The following UST variants were observed in gnomAD, a reference collection of about 807,000 sequenced individuals.
UST encodes the protein chondroitin sulfate 2-O-sulfotransferase.
UST carries 21 observed loss-of-function variants against 45.6 expected under a neutral mutation model. The observed-to-expected ratio is 0.46, with a 90% CI of 0.33 to 0.66. UST has a LOEUF of 0.66. UST is among the 30% of genes least tolerant of loss of function. The probability of loss-of-function intolerance (pLI) is 0.02; values close to 1 mark genes in which losing one functional copy is unlikely to be tolerated. For missense variants in UST, 463 were observed against 512.4 expected, an observed-to-expected ratio of 0.90 and a Z score of 0.93; for synonymous variants, 215 against 200.6, an observed-to-expected ratio of 1.07 and a Z score of -0.61.
At chr6:148,974,619 G>A (rs773003368) in intron 5 of UST, among the ~76,000 whole-genome samples, 1 of 152,146 alleles carries the variant, frequency 6.6e-6, no homozygotes, top group African/African-American at 2.4e-5. Context: ...AGAACAAACC[G>A]CTTTTTCTCT....
intron 1 of UST, among the ~76,000 whole-genome samples, chr6:148,752,770 G>A (rs1175294696): frequency 6.6e-6 from 1 of 152,186 alleles, no homozygotes; most frequent in African/African-American, 2.4e-5. Flanking sequence ...GAGACTGAAG[G>A]AGCAAAAACA....
chr6:148,975,937 G>T (rs868732448), intron 5 of UST, among the ~76,000 whole-genome samples: 1 of 152,174 alleles, frequency 6.6e-6, no homozygotes, highest in African/African-American at 2.4e-5. Context: ...TTTTAGATTT[G>T]TCTTTAGATA....
At chr6:148,883,748 A>C (rs1478383988) in intron 1 of UST, among the ~76,000 whole-genome samples, 1 of 152,196 alleles carries the variant, frequency 6.6e-6, no homozygotes, top group Non-Finnish European at 1.5e-5. Flanking sequence ...TTATAAGGGG[A>C]TAAATTATGA....
At position 148,866,139 on chromosome 6, in the gene UST, A is replaced by AATATTTAGTGATAACTAAAT. The variant is rs1227917197; in HGVS notation, c.248-20825_248-20806dup. Among the ~76,000 whole-genome samples the AATATTTAGTGATAACTAAAT allele has an allele frequency of 1.8e-3, 258 of 141,382 alleles. 4 individuals are homozygous for AATATTTAGTGATAACTAAAT. The highest frequency in any genetic ancestry group is 5.7e-3 in the African/African-American group (214 of 37,612). The allele number at this position is 141,382 out of a possible 152,430, so 92.8% of individuals were successfully genotyped here. On this transcript the variant is annotated intron_variant, in intron 1 of 7. Coordinates refer to ENST00000367463, the MANE Select transcript of UST (RefSeq NM_005715.3). ...TGACAATATTGATTATTTTATAATC[A>AATATTTAGTGATAACTAAAT]ATATTTAGTGATAACTAAATATATT...
In UST at chr6:148,747,456, G is replaced by A; in HGVS notation, c.26G>A (p.Gly9Asp). The A allele has an allele frequency of 2.1e-6, 3 of 1,428,934 alleles. No individual in the cohort carries two copies. The highest frequency in any genetic ancestry group is 2.8e-6 in the Non-Finnish European group (3 of 1,089,198). 88.5% of individuals were successfully genotyped at this position (1,428,934 alleles called of 1,614,324 possible). Residue 9 changes from glycine (G) to aspartate (D), a missense_variant, in exon 1 of 8, where the codon GGC (glycine) becomes GAC (aspartate). By Grantham distance (94) the Gly-to-Asp change is moderately conservative. Around this residue, in one of 2 missense-constraint regions of UST, gnomAD observed 176 missense variants for 138.3 expected, o/e 1.27. Transcript: ENST00000367463. The stretch of plus-strand genomic sequence containing the variant: ...ATGAAGAAGAAGCAGCAGCATCCCG[G>A]CGGCGGCGCGGATCCCTGGCCCCAT... MKKKQQHP[G>D]GGADPWPHGA...
chr6:148,757,923 T>A (rs1435300472), intron 1 of UST, among the ~76,000 whole-genome samples: 3 of 152,234 alleles, frequency 2.0e-5, no homozygotes, highest in Non-Finnish European at 4.4e-5. Flanking sequence ...ACAGCTTGAA[T>A]AATTTTATTA....
rs34342100 is a variant in UST, at chr6:148,748,399, T to TTGTG, written c.247+773_247+776dup. 0.026 allele frequency among the ~76,000 whole-genome samples: 3,331 copies of TTGTG among 127,496 alleles called. 43 individuals are homozygous for TTGTG. The highest frequency in any genetic ancestry group is 0.028 in the East Asian group (111 of 3,948). 83.6% of individuals were successfully genotyped at this position (127,496 alleles called of 152,430 possible). A position where few individuals can be genotyped will look rare whatever the true frequency, so the allele number is the denominator to read the frequency against. ...GTGCGTCTCAAGCTCAAGTCAAAAC[T>TTGTG]TGTGTGTGTGTGTGTGTGTGTGTGT... On this transcript the variant is annotated intron_variant, in intron 1 of 7. Transcript: ENST00000367463. The surrounding 1 kb of genome is among the most constrained non-coding windows in gnomAD (Gnocchi z 5.3).
chr6:148,975,007 A>G (rs1465002580), intron 5 of UST, among the ~76,000 whole-genome samples: 1 of 152,222 alleles, frequency 6.6e-6, no homozygotes, highest in Admixed American at 6.5e-5. Context: ...TGTATAAGAC[A>G]AAGTTATCAA....
chr6:148,851,747 C>T (rs1778111149), intron 1 of UST, among the ~76,000 whole-genome samples: 1 of 152,168 alleles, frequency 6.6e-6, no homozygotes, highest in African/African-American at 2.4e-5. Flanking sequence ...CATCTGGGTT[C>T]GTGCAATTTT....
chr6:148,909,533 A>G (rs1779435081), intron 2 of UST, among the ~76,000 whole-genome samples: 2 of 152,218 alleles, frequency 1.3e-5, no homozygotes, highest in Admixed American at 6.5e-5. Flanking sequence ...CAGGCACCCA[A>G]AGGTGCTTTG....
At chr6:148,894,826 T>TTTTTC (rs1554224142) in intron 2 of UST, among the ~76,000 whole-genome samples, 5 of 138,392 alleles carry the variant, frequency 3.6e-5, no homozygotes, top group African/African-American at 1.1e-4. Context: ...TTTTTTTTTT[T>TTTTTC]TTTTTTTTTT....
intron 1 of UST, among the ~76,000 whole-genome samples, chr6:148,850,259 C>T (rs140652696): frequency 0.021 from 3,163 of 152,280 alleles, 102 homozygotes; most frequent in African/African-American, 0.062. Context: ...TAGCAGCCCA[C>T]GGTGGAGCCA....
At chr6:148,881,338 C>T (rs910837672) in intron 1 of UST, among the ~76,000 whole-genome samples, 10 of 152,102 alleles carry the variant, frequency 6.6e-5, no homozygotes, top group African/African-American at 9.7e-5. Context: ...AAGTTTTTCC[C>T]GCTTGACAAG....
chr6:149,010,946 C>T (rs1373277451), intron 5 of UST, among the ~76,000 whole-genome samples: 2 of 129,010 alleles, frequency 1.6e-5, no homozygotes, highest in Non-Finnish European at 3.2e-5. Flanking sequence ...GTCTTTAGTT[C>T]AATGCAATAG....
chr6:149,042,142 C>T (rs973037205), intron 7 of UST, among the ~76,000 whole-genome samples: 2 of 152,086 alleles, frequency 1.3e-5, no homozygotes, highest in African/African-American at 4.8e-5. Context: ...TTTTATTATT[C>T]CCATTTTACA....
At chr6:148,780,301 A>C (rs1388073674) in intron 1 of UST, among the ~76,000 whole-genome samples, 2 of 152,146 alleles carry the variant, frequency 1.3e-5, no homozygotes, top group African/African-American at 2.4e-5. Flanking sequence ...CTTTTATTTT[A>C]GGTCCAGAGG....
At chr6:148,875,768 C>T (rs1206235779) in intron 1 of UST, among the ~76,000 whole-genome samples, 6 of 152,220 alleles carry the variant, frequency 3.9e-5, no homozygotes, top group African/African-American at 1.2e-4. Flanking sequence ...CGCACCACTG[C>T]GCTCCCGCTT....
intron 1 of UST, among the ~76,000 whole-genome samples, chr6:148,838,255 G>A (rs1031981776): frequency 7.2e-5 from 11 of 152,148 alleles, no homozygotes; most frequent in Non-Finnish European, 1.2e-4. Flanking sequence ...AAGGCCCCAG[G>A]TTGGAAAGGG....
chr6:148,789,242 A>G (rs1286682641), intron 1 of UST, among the ~76,000 whole-genome samples: 1 of 152,128 alleles, frequency 6.6e-6, no homozygotes, highest in Non-Finnish European at 1.5e-5. Context: ...TAGCTGAATG[A>G]TCTAGAAACT....
Sources: allele counts gnomAD v4.1 joint callset (sites outside exome capture counted in the v4.1 genomes callset), GRCh38; gene constraint gnomAD v4.1.1; regional missense constraint gnomAD v4.1.1; non-coding constraint Gnocchi (gnomAD v3.1); transcripts MANE v1.5; gene names NCBI Gene and HGNC (gene_info 2026-07-23, HGNC 2026-07-21).